LRRC4C: variants seen among roughly 807,000 people sequenced by gnomAD.
LRRC4C encodes the protein leucine-rich repeat-containing protein 4C.
In LRRC4C, 5 loss-of-function variants were observed where a neutral mutation model predicts 33.6. That is an observed-to-expected ratio of 0.15 (90% CI 0.08 to 0.31). LRRC4C has a LOEUF of 0.31. Ranked by LOEUF, LRRC4C falls within the 10% of genes least tolerant of loss-of-function variation. The pLI is 1.00. For synonymous variants in LRRC4C, 329 were observed against 302.0 expected, an observed-to-expected ratio of 1.09 and a Z score of -0.93; for missense variants, 560 against 796.7, an observed-to-expected ratio of 0.70 and a Z score of 3.58.
chr11:41,167,896 CAGG>C (rs1944801391), intron 1 of LRRC4C, among the ~76,000 whole-genome samples: 1 of 152,002 alleles, frequency 6.6e-6, no homozygotes, highest in African/African-American at 2.4e-5. Context: ...AACTAATCAA[CAGG>C]AGATTATTTC....
chr11:41,338,134 T>C (rs1487911732), intron 1 of LRRC4C, among the ~76,000 whole-genome samples: 3 of 152,178 alleles, frequency 2.0e-5, no homozygotes, highest in Non-Finnish European at 4.4e-5. Context: ...AGTGTGTTGA[T>C]TCCTCTAGGA....
intron 3 of LRRC4C, among the ~76,000 whole-genome samples, chr11:40,513,456 T>C (rs981675426): frequency 6.6e-6 from 1 of 152,002 alleles, no homozygotes; most frequent in Non-Finnish European, 1.5e-5. Context: ...ATCACACAAA[T>C]GCAAGCCCTA....
intron 1 of LRRC4C, among the ~76,000 whole-genome samples, chr11:41,080,710 C>G (rs533584782): frequency 6.6e-6 from 1 of 152,286 alleles, no homozygotes; most frequent in Non-Finnish European, 1.5e-5. Context: ...AAAATTATCA[C>G]TATCTTTGAT....
At chr11:41,440,602 A>G (rs1955585216) in intron 1 of LRRC4C, among the ~76,000 whole-genome samples, 1 of 152,062 alleles carries the variant, frequency 6.6e-6, no homozygotes, top group East Asian at 1.9e-4. Flanking sequence ...GATTCCATCT[A>G]TTGGACTGAT....
At chr11:40,825,083 C>T (rs529980421) in intron 2 of LRRC4C, among the ~76,000 whole-genome samples, 1 of 152,010 alleles carries the variant, frequency 6.6e-6, no homozygotes, top group Admixed American at 6.6e-5. Flanking sequence ...ATTAGCTTCA[C>T]TTAATCTTAA....
intron 2 of LRRC4C, among the ~76,000 whole-genome samples, chr11:40,775,176 C>T (rs372211162): frequency 2.6e-5 from 4 of 151,888 alleles, no homozygotes; most frequent in Admixed American, 6.6e-5. Flanking sequence ...TTTGGGAGGC[C>T]GAGGTGGATG....
At chr11:41,056,916 G>GGACA (rs1650860739) in intron 1 of LRRC4C, among the ~76,000 whole-genome samples, 1 of 152,166 alleles carries the variant, frequency 6.6e-6, no homozygotes, top group Non-Finnish European at 1.5e-5. Context: ...CAGGAGTCAG[G>GGACA]GACAAGTGGG....
intron 2 of LRRC4C, among the ~76,000 whole-genome samples, chr11:40,881,841 A>C (rs1490893664): frequency 6.6e-6 from 1 of 152,120 alleles, no homozygotes; most frequent in Non-Finnish European, 1.5e-5. Flanking sequence ...ATATTTTAAT[A>C]AACTTGTGAC....
At chr11:41,238,499 T>A (rs1160281787) in intron 1 of LRRC4C, among the ~76,000 whole-genome samples, 1 of 152,220 alleles carries the variant, frequency 6.6e-6, no homozygotes, top group East Asian at 1.9e-4. Flanking sequence ...CCAGCTACTG[T>A]CCTTAGATAC....
At position 41,005,076 on chromosome 11, in the gene LRRC4C, T is replaced by C. The variant is rs187232106; in HGVS notation, c.-495-71353A>G. Reference sequence around the variant, plus strand: ...AACCACTTAAAATGAGTGTTAGAAATCTGGCTGGCACCTCCCTCCCCCTGA... The same window carrying C: ...AACCACTTAAAATGAGTGTTAGAAACCTGGCTGGCACCTCCCTCCCCCTGA... On this transcript the variant is annotated intron_variant, in intron 1 of 6. Coordinates refer to ENST00000528697, the MANE Select transcript of LRRC4C (RefSeq NM_001258419.2). Among the ~76,000 whole-genome samples, 250 of 152,300 alleles carry C rather than the reference T, an allele frequency of 1.6e-3. 2 individuals are homozygous for C. Among genetic ancestry groups the C allele is most frequent in the African/African-American group, 5.9e-3 (246 of 41,562 alleles).
chr11:40,550,676 C>G (rs140529151), intron 3 of LRRC4C, among the ~76,000 whole-genome samples: 19 of 152,104 alleles, frequency 1.2e-4, no homozygotes, highest in African/African-American at 4.3e-4. Flanking sequence ...ATATTATGAC[C>G]CAGTGGTGAC....
rs139569972 is a variant in LRRC4C at position 40,886,172 on chromosome 11, T to C, written c.-407+47463A>G. 5.6e-3 allele frequency among the ~76,000 whole-genome samples: 854 copies of C among 152,212 alleles called. 4 individuals carry two copies. Among genetic ancestry groups the C allele is most frequent in the African/African-American group, 0.019 (792 of 41,546 alleles). ...CTAAATTCTATCAATTATTTAGTTA[T>C]TAAATGAGTCAAATATTGATTTTAC... is the stretch of plus-strand genomic sequence containing the variant. On this transcript the variant is annotated intron_variant, in intron 2 of 6. Transcript: ENST00000528697.
At chr11:41,376,768 T>G (rs931643152) in intron 1 of LRRC4C, among the ~76,000 whole-genome samples, 17 of 152,020 alleles carry the variant, frequency 1.1e-4, no homozygotes, top group African/African-American at 3.6e-4. Context: ...ATAAACACAT[T>G]GATAAAAATA....
intron 2 of LRRC4C, among the ~76,000 whole-genome samples, chr11:40,911,272 G>C (rs1956668557): frequency 6.6e-6 from 1 of 152,166 alleles, no homozygotes; most frequent in Admixed American, 6.5e-5. Flanking sequence ...TGAACCCCGA[G>C]TAGCCCAACT....
intron 1 of LRRC4C, among the ~76,000 whole-genome samples, chr11:41,173,313 A>C (rs1945057483): frequency 6.6e-6 from 1 of 152,156 alleles, no homozygotes; most frequent in Non-Finnish European, 1.5e-5. Context: ...TGTAGATTCA[A>C]AACTACCAAT....
At chr11:41,108,997 C>T (rs1207568761) in intron 1 of LRRC4C, among the ~76,000 whole-genome samples, 1 of 151,916 alleles carries the variant, frequency 6.6e-6, no homozygotes, top group Non-Finnish European at 1.5e-5. Flanking sequence ...GTCTCAAAGT[C>T]CTTTTTTGAT....
intron 1 of LRRC4C, among the ~76,000 whole-genome samples, chr11:41,396,507 C>G (rs1470884123): frequency 1.3e-5 from 2 of 151,906 alleles, no homozygotes; most frequent in African/African-American, 2.4e-5. Flanking sequence ...TATAATCAGA[C>G]AGGTGTTCCT....
intron 3 of LRRC4C, among the ~76,000 whole-genome samples, chr11:40,355,032 C>A (rs1046607072): frequency 2.6e-5 from 4 of 152,152 alleles, no homozygotes; most frequent in African/African-American, 4.8e-5. Context: ...ATTCAAGTCC[C>A]AAAGGCTGCT....
chr11:41,269,531 G>A (rs916607534), intron 1 of LRRC4C, among the ~76,000 whole-genome samples: 4 of 152,102 alleles, frequency 2.6e-5, no homozygotes, highest in African/African-American at 9.7e-5. Context: ...GCTCAAGTCA[G>A]AATGTCAGCC....
Sources: allele counts gnomAD v4.1 joint callset (sites outside exome capture counted in the v4.1 genomes callset), GRCh38; gene constraint gnomAD v4.1.1; transcripts MANE v1.5; gene names NCBI Gene and HGNC (gene_info 2026-07-23, HGNC 2026-07-21).